The following TMEM117 variants were observed in gnomAD, a reference collection of about 807,000 sequenced individuals.
TMEM117 encodes the protein transmembrane protein 117.
Under a neutral mutation model 52.4 loss-of-function variants are expected in TMEM117, and 27 were observed. The observed-to-expected ratio is 0.51, with a 90% CI of 0.38 to 0.71. TMEM117 has a LOEUF of 0.71. TMEM117 is among the 30% of genes least tolerant of loss of function. TMEM117 has a pLI of 0.00. For missense variants in TMEM117, 556 were observed against 630.5 expected, an observed-to-expected ratio of 0.88 and a Z score of 1.26; for synonymous variants, 215 against 206.3, an observed-to-expected ratio of 1.04 and a Z score of -0.36.
chr12:44,101,346 T>A (rs1340870965), intron 3 of TMEM117, among the ~76,000 whole-genome samples: 1 of 151,928 alleles, frequency 6.6e-6, no homozygotes, highest in Non-Finnish European at 1.5e-5. Context: ...GCCTTAAGTA[T>A]CACTCTCCCG....
chr12:44,185,750 A>G (rs1312627908), intron 4 of TMEM117, among the ~76,000 whole-genome samples: 3 of 152,024 alleles, frequency 2.0e-5, no homozygotes, highest in South Asian at 2.1e-4. Flanking sequence ...TCTTTGCTCT[A>G]TCATGGATTT....
chr12:44,010,105 G>T, intron 3 of TMEM117: 2 of 483,868 alleles, frequency 4.1e-6, no homozygotes. Flanking sequence ...CCATCTGGGG[G>T]TTCAAGTATG....
intron 4 of TMEM117, among the ~76,000 whole-genome samples, chr12:44,169,559 T>G (rs534882541): frequency 6.6e-6 from 1 of 152,148 alleles, no homozygotes; most frequent in Non-Finnish European, 1.5e-5. Context: ...TTTCTTTTGT[T>G]AAGTTTTAGG....
chr12:43,826,000 C>A, the TMEM117 span, among the ~76,000 whole-genome samples: 5 of 152,220 alleles, frequency 3.3e-5, no homozygotes, highest in Non-Finnish European at 7.3e-5. Flanking sequence ...TTGTCTGAAT[C>A]CAAATGTATT....
chr12:44,064,794 T>A (rs975361472), intron 3 of TMEM117, among the ~76,000 whole-genome samples: 1 of 152,100 alleles, frequency 6.6e-6, no homozygotes, highest in Non-Finnish European at 1.5e-5. Context: ...AAGTTGTATA[T>A]GTATAGGATG....
At chr12:44,368,921 A>G (rs1372559722) in intron 6 of TMEM117, among the ~76,000 whole-genome samples, 2 of 152,100 alleles carry the variant, frequency 1.3e-5, no homozygotes, top group Non-Finnish European at 2.9e-5. Context: ...TGCCCACTAG[A>G]TCAAGTTGTT....
At chr12:44,287,805 A>G (rs1950655739) in intron 5 of TMEM117, among the ~76,000 whole-genome samples, 1 of 152,184 alleles carries the variant, frequency 6.6e-6, no homozygotes, top group South Asian at 2.1e-4. Context: ...TAATTTATAA[A>G]ATATGTGTTA....
intron 3 of TMEM117, among the ~76,000 whole-genome samples, chr12:44,100,298 G>A (rs565363674): frequency 2.0e-5 from 3 of 152,048 alleles, no homozygotes; most frequent in African/African-American, 7.2e-5. Context: ...ATATATAAAA[G>A]AATTGAGATT....
At chr12:44,026,430 T>G (rs953959339) in intron 3 of TMEM117, among the ~76,000 whole-genome samples, 6 of 152,174 alleles carry the variant, frequency 3.9e-5, no homozygotes. Context: ...TCCACGTGCC[T>G]CCAAAGAGAC....
At chr12:44,090,005 CTTCTT>C (rs1947636107) in intron 3 of TMEM117, among the ~76,000 whole-genome samples, 1 of 152,148 alleles carries the variant, frequency 6.6e-6, no homozygotes, top group South Asian at 2.1e-4. Context: ...CACATAATGT[CTTCTT>C]TTCTTATTGT....
At chr12:44,324,560 T>C (rs889831528) in intron 6 of TMEM117, among the ~76,000 whole-genome samples, 1 of 151,966 alleles carries the variant, frequency 6.6e-6, no homozygotes, top group Non-Finnish European at 1.5e-5. Context: ...TACAGGTTCT[T>C]TGGGAAAAAA....
intron 5 of TMEM117, among the ~76,000 whole-genome samples, chr12:44,291,971 G>A (rs188474460): frequency 6.6e-6 from 1 of 151,902 alleles, no homozygotes; most frequent in East Asian, 1.9e-4. Flanking sequence ...TCCATATCTG[G>A]CTTTAGTATC....
chr12:44,228,482 G>A (rs1949891606), intron 5 of TMEM117, among the ~76,000 whole-genome samples: 4 of 152,074 alleles, frequency 2.6e-5, no homozygotes, highest in Admixed American at 2.6e-4. Context: ...TTACATTCTG[G>A]TGGAGTTATA....
intron 3 of TMEM117, among the ~76,000 whole-genome samples, chr12:44,066,285 G>A (rs1395039527): frequency 6.6e-6 from 1 of 152,184 alleles, no homozygotes; most frequent in Non-Finnish European, 1.5e-5. Flanking sequence ...ATAACTATAG[G>A]TGAGATGATG....
chr12:43,833,013 C>A (rs375316175), upstream of TMEM117, among the ~76,000 whole-genome samples: 82 of 152,230 alleles, frequency 5.4e-4, 2 homozygotes, highest in South Asian at 0.016. Flanking sequence ...GGCTGGCTAC[C>A]AAGGCAAAGG....
intron 3 of TMEM117, among the ~76,000 whole-genome samples, chr12:44,114,069 C>G (rs1453808765): frequency 7.2e-6 from 1 of 138,272 alleles, no homozygotes; most frequent in African/African-American, 2.7e-5. Context: ...CTTCGGCTCG[C>G]GCACGGTGCG....
intron 3 of TMEM117, among the ~76,000 whole-genome samples, chr12:43,960,803 A>G (rs1179183474): frequency 6.6e-6 from 1 of 152,240 alleles, no homozygotes; most frequent in African/African-American, 2.4e-5. Flanking sequence ...CTCATTTTCT[A>G]GAAATGAGTT....
At chr12:43,840,189 G>T (rs79000675) in intron 1 of TMEM117, among the ~76,000 whole-genome samples, 2 of 152,140 alleles carry the variant, frequency 1.3e-5, no homozygotes, top group African/African-American at 2.4e-5. Context: ...GTTGAAGCCA[G>T]GTGGCTTGGA....
At chr12:43,869,473 A>G (rs540100209) in intron 2 of TMEM117, among the ~76,000 whole-genome samples, 1 of 152,352 alleles carries the variant, frequency 6.6e-6, no homozygotes, top group Admixed American at 6.5e-5. Flanking sequence ...TATGCAAGTA[A>G]TGTATGCTTA....
Sources: allele counts gnomAD v4.1 joint callset (sites outside exome capture counted in the v4.1 genomes callset), GRCh38; gene constraint gnomAD v4.1.1; transcripts MANE v1.5; gene names NCBI Gene and HGNC (gene_info 2026-07-23, HGNC 2026-07-21).